Variants in FBLN5 observed in about 807,000 individuals in gnomAD.
The protein encoded by FBLN5 is fibulin 5.
Under a neutral mutation model 61.6 loss-of-function variants are expected in FBLN5, and 24 were observed. That is an observed-to-expected ratio of 0.39 (90% CI 0.28 to 0.55). The LOEUF (loss-of-function observed/expected upper bound fraction) is 0.55, where lower values mean the gene tolerates loss of function less well. FBLN5 is among the 20% of genes least tolerant of loss of function. The pLI, the probability that FBLN5 is intolerant of heterozygous loss-of-function variation, is 0.65. For missense variants in FBLN5, 470 were observed against 594.1 expected (o/e 0.79, Z 2.17); for synonymous variants, 213 against 219.8 (o/e 0.97, Z 0.27).
At position 91,923,605 on chromosome 14, in the gene FBLN5, A is replaced by C. The variant is rs117078848; in HGVS notation, c.379+13342T>G. ...ATTCAATCCTGCAAAGACTTGCTAA[A>C]GGCCACCATATGCATTCACATTCCT... On this transcript the variant is annotated intron_variant, in intron 4 of 10. Transcript: ENST00000342058. 6.8e-3 allele frequency among the ~76,000 whole-genome samples: 1,043 copies of C among 152,336 alleles called. 2 individuals carry two copies. The highest frequency in any genetic ancestry group is 8.8e-3 in the Non-Finnish European group (600 of 68,036).
At chr14:91,889,290 A>C (rs981952174) in intron 6 of FBLN5, among the ~76,000 whole-genome samples, 5 of 152,304 alleles carry the variant, frequency 3.3e-5, no homozygotes, top group African/African-American at 9.6e-5. Context: ...GGCGCTGGCC[A>C]CTCGGAGGTG....
At chr14:91,939,337 AT>A (rs5810562) in intron 3 of FBLN5, among the ~76,000 whole-genome samples, 50,828 of 115,670 alleles carry the variant, frequency 0.44, 9,168 homozygotes, top group East Asian at 0.58. Flanking sequence ...ACCTCCATTA[AT>A]TTTTTTTTTT....
chr14:91,877,465 C>T (rs1242622268), intron 10 of FBLN5, 22 bp downstream of exon 10: 10 of 1,593,504 alleles, frequency 6.3e-6, no homozygotes, highest in Non-Finnish European at 8.6e-6. Flanking sequence ...AGATGGCGTC[C>T]CCACTCCCCA....
chr14:91,886,861 G>A (rs113495953), intron 7 of FBLN5, among the ~76,000 whole-genome samples: 14 of 152,254 alleles, frequency 9.2e-5, no homozygotes, highest in African/African-American at 3.4e-4. Flanking sequence ...CAAGACTTGA[G>A]TCGGTGCTGG....
intron 10 of FBLN5, chr14:91,874,108 G>A (rs538871577): frequency 8.5e-5 from 13 of 152,538 alleles, no homozygotes; most frequent in African/African-American, 3.1e-4. Flanking sequence ...GTGCATGTGT[G>A]CATGCAAGTG....
chr14:91,932,178 G>T (rs182374654), intron 4 of FBLN5, among the ~76,000 whole-genome samples: 1 of 152,192 alleles, frequency 6.6e-6, no homozygotes, highest in Non-Finnish European at 1.5e-5. Context: ...TGAGCCATGA[G>T]TCCCATCACT....
chr14:91,944,316 TAGGG>T (rs1457169782), intron 1 of FBLN5, among the ~76,000 whole-genome samples: 3 of 152,214 alleles, frequency 2.0e-5, no homozygotes, highest in African/African-American at 7.2e-5. Context: ...GAGCAAGCGT[TAGGG>T]AGGATGTGGA....
chr14:91,908,827 A>C (rs2140003588), intron 4 of FBLN5, among the ~76,000 whole-genome samples: 1 of 152,334 alleles, frequency 6.6e-6, no homozygotes, highest in East Asian at 1.9e-4. Context: ...GGTGTACATA[A>C]GAGTGTCTTT....
intron 6 of FBLN5, among the ~76,000 whole-genome samples, chr14:91,889,796 G>A (rs1224496795): frequency 3.9e-5 from 6 of 152,220 alleles, no homozygotes; most frequent in Admixed American, 2.6e-4. Context: ...TGGGTGCCGG[G>A]CCTGCTGCTT....
intron 4 of FBLN5, among the ~76,000 whole-genome samples, chr14:91,902,402 G>A (rs889288425): frequency 1.3e-5 from 2 of 150,928 alleles, no homozygotes; most frequent in African/African-American, 2.4e-5. Context: ...TTTGTCTATC[G>A]ACAGAAATTT....
chr14:91,909,011 G>C (rs182473152), intron 4 of FBLN5, among the ~76,000 whole-genome samples: 1 of 151,944 alleles, frequency 6.6e-6, no homozygotes, highest in Non-Finnish European at 1.5e-5. Context: ...TTCACCTCCC[G>C]GGTTCACGCC....
rs1489357797 is a variant in FBLN5, at chr14:91,869,709, C to T, written c.*515G>A. On this transcript the variant is annotated 3_prime_UTR_variant, in exon 11 of 11. Transcript: ENST00000342058. ...ACCAGGCATGGTTTTGAAACACATT[C>T]TCTAAAAACCCTTCGATCCTGCTGT... is the stretch of plus-strand genomic sequence containing the variant. 6.2e-6 allele frequency: 1 copy of T among 161,998 alleles called. No individual in the cohort carries two copies. The highest frequency in any genetic ancestry group is 1.4e-5 in the Non-Finnish European group (1 of 73,332). 10.0% of individuals were successfully genotyped at this position (161,998 alleles called of 1,614,324 possible).
intron 4 of FBLN5, among the ~76,000 whole-genome samples, chr14:91,936,333 T>C (rs1368387882): frequency 6.6e-6 from 1 of 152,234 alleles, no homozygotes; most frequent in Non-Finnish European, 1.5e-5. Flanking sequence ...ACAGCGCACC[T>C]TGGTCACACC....
intron 4 of FBLN5, among the ~76,000 whole-genome samples, chr14:91,910,974 T>G (rs961264477): frequency 7.1e-6 from 1 of 140,266 alleles, no homozygotes; most frequent in Non-Finnish European, 1.5e-5. Context: ...TGCCCTCATT[T>G]TTTTAGCTTT....
intron 4 of FBLN5, among the ~76,000 whole-genome samples, chr14:91,909,135 T>C (rs1276382495): frequency 6.6e-6 from 1 of 152,058 alleles, no homozygotes; most frequent in Non-Finnish European, 1.5e-5. Context: ...GCCAGGATGG[T>C]CTCAATCTCC....
At chr14:91,935,150 G>C (rs1274715096) in intron 4 of FBLN5, among the ~76,000 whole-genome samples, 1 of 152,210 alleles carries the variant, frequency 6.6e-6, no homozygotes, top group African/African-American at 2.4e-5. Flanking sequence ...CGCATCTCCC[G>C]TGTGACAGGT....
intron 9 of FBLN5, among the ~76,000 whole-genome samples, chr14:91,880,383 T>C (rs923304501): frequency 1.3e-5 from 2 of 152,170 alleles, no homozygotes; most frequent in African/African-American, 2.4e-5. Flanking sequence ...AAAGACCCCA[T>C]GTATCCAGAA....
intron 4 of FBLN5, among the ~76,000 whole-genome samples, chr14:91,933,344 G>A (rs900380190): frequency 1.3e-5 from 2 of 151,944 alleles, no homozygotes; most frequent in East Asian, 1.9e-4. Flanking sequence ...GCACGAGCTC[G>A]GCTCACTGCA....
intron 4 of FBLN5, among the ~76,000 whole-genome samples, chr14:91,929,629 C>T (rs1016841215): frequency 2.6e-5 from 4 of 152,210 alleles, no homozygotes; most frequent in African/African-American, 4.8e-5. Context: ...CATTTCTTTC[C>T]AGTTTGTGTT....
Sources: allele counts gnomAD v4.1 joint callset (sites outside exome capture counted in the v4.1 genomes callset), GRCh38; gene constraint gnomAD v4.1.1; transcripts MANE v1.5; gene names NCBI Gene and HGNC (gene_info 2026-07-23, HGNC 2026-07-21).